The following ZNF471 variants were observed in gnomAD, a reference collection of about 807,000 sequenced individuals.
The protein encoded by ZNF471 is zinc finger protein 471, also known as EZFIT-related protein 1.
A neutral mutation model predicts 13.7 loss-of-function variants in ZNF471; 7 were observed. The ratio of observed to expected loss-of-function variants is 0.51; its 90% CI spans 0.29 to 0.96. The LOEUF is 0.96. Among genes scored for constraint, ZNF471 ranks in the 40% least tolerant of loss-of-function variants. ZNF471 has a pLI of 0.08. For synonymous variants in ZNF471, 218 were observed against 235.6 expected (o/e 0.93, Z 0.68); for missense variants, 663 against 743.3 (o/e 0.89, Z 1.26).
chr19:56,510,020 T>G lies in ZNF471; in HGVS notation c.-55-1497T>G. On this transcript the variant is annotated intron_variant, in intron 1 of 4. Transcript: ENST00000308031. This position sits in a 1 kb window ranked among gnomAD's most constrained non-coding sequence, Gnocchi z 4.3. ...GAGACTAGACTGAGAGTTCAGTGAT[T>G]GGGAGAGACTGGGGTATGTTGGTGT... 2.0e-6 allele frequency: 2 copies of G among 985,506 alleles called. No individual in the cohort carries two copies. The highest frequency in any genetic ancestry group is 1.2e-6 in the Non-Finnish European group (1 of 830,026). 61.0% of individuals were successfully genotyped at this position (985,506 alleles called of 1,614,324 possible). A position where few individuals can be genotyped will look rare whatever the true frequency, so the allele number is the denominator to read the frequency against.
In ZNF471 at chr19:56,526,496, C is replaced by G. The variant is rs956608949; in HGVS notation, c.*548C>G. The G allele has an allele frequency of 2.0e-5, 3 of 152,616 alleles. No homozygotes were observed. Among genetic ancestry groups the G allele is most frequent in the African/African-American group, 4.8e-5 (2 of 41,416 alleles). The allele number at this position is 152,616 out of a possible 1,614,324, so 9.5% of individuals were successfully genotyped here. ...AGTTTTTTTGATAGCCCAGTGGCAC[C>G]TGGAATGCCAGTGAAACAGAACCGC... On this transcript the variant is annotated 3_prime_UTR_variant, in exon 5 of 5. Coordinates refer to ENST00000308031, the MANE Select transcript of ZNF471 (RefSeq NM_020813.4).
chr19:56,512,908 T>G (rs2043830863), intron 2 of ZNF471, among the ~76,000 whole-genome samples: 1 of 152,182 alleles, frequency 6.6e-6, no homozygotes, highest in Non-Finnish European at 1.5e-5. Context: ...TGCTTTTTTT[T>G]CTTGTGCTGT....
chr19:56,525,909 A>G lies in ZNF471; in HGVS notation c.1842A>G (p.Leu614=). 1 of 1,577,742 alleles carries G rather than the reference A, an allele frequency of 6.3e-7. No homozygotes were observed. The highest frequency in any genetic ancestry group is 8.6e-7 in the Non-Finnish European group (1 of 1,166,138). Residue 614 remains leucine (L), a synonymous_variant, in exon 5 of 5, where the codon TTA becomes TTG. Transcript: ENST00000308031. ...CGKAFRRKLS[L]ICHQRSHTGE... ...AGGCGTTCAGAAGAAAGTTATCCTT[A>G]ATTTGTCATCAAAGAAGTCATACTG...
At chr19:56,511,642 CT>C in intron 2 of ZNF471, 38 bp downstream of exon 2, 1 of 1,539,338 alleles carries the variant, frequency 6.5e-7, no homozygotes, top group Non-Finnish European at 8.9e-7. Flanking sequence ...GAAAGGCAGT[CT>C]TGCTGTTTAG....
chr19:56,524,087 TG>T lies in ZNF471; in HGVS notation c.257-234del, dbSNP rs1288507333. Among the ~76,000 whole-genome samples, 1 of 152,170 alleles carries T rather than the reference TG, an allele frequency of 6.6e-6. No individual in the cohort carries two copies. The highest frequency in any genetic ancestry group is 1.5e-5 in the Non-Finnish European group (1 of 68,036). On this transcript the variant is annotated intron_variant, in intron 4 of 4. Coordinates refer to ENST00000308031, the MANE Select transcript of ZNF471 (RefSeq NM_020813.4). This position sits in a 1 kb window ranked among gnomAD's most constrained non-coding sequence, Gnocchi z 4.8. ...AATCCACCTCAGCCTCCTAAAGTGC[TG>T]GGATTATAGGCCTAAACCACTACAC...
chr19:56,523,842 G>A (rs10403034), intron 4 of ZNF471, among the ~76,000 whole-genome samples: 31,385 of 151,832 alleles, frequency 0.21, 3,224 homozygotes, highest in Middle Eastern at 0.25. Context: ...TTTTTGTTTT[G>A]AGACAGGGTC....
chr19:56,511,472 C>A, intron 1 of ZNF471, 45 bp from the exon 2 acceptor site: 1 of 1,431,118 alleles, frequency 7.0e-7, no homozygotes, highest in Non-Finnish European at 9.6e-7. Flanking sequence ...TCTGGGAGTG[C>A]AGCATCTCTG....
intron 4 of ZNF471, among the ~76,000 whole-genome samples, chr19:56,521,887 C>T (rs1010255258): frequency 1.1e-4 from 16 of 152,096 alleles, no homozygotes; most frequent in African/African-American, 3.6e-4. Flanking sequence ...TTTGAGGATG[C>T]AGTGAGCCAT....
chr19:56,514,103 AC>A (rs2043847956), intron 2 of ZNF471, among the ~76,000 whole-genome samples: 1 of 128,586 alleles, frequency 7.8e-6, no homozygotes, highest in African/African-American at 3.0e-5. Context: ...TCACTCTGTC[AC>A]CCAGGCTGGA....
chr19:56,525,199 A>C lies in ZNF471; in HGVS notation c.1132A>C (p.Ile378Leu), dbSNP rs2044028198. 1 of 1,614,148 alleles carries C rather than the reference A, an allele frequency of 6.2e-7. No individual in the cohort carries two copies. The highest frequency in any genetic ancestry group is 8.5e-7 in the Non-Finnish European group (1 of 1,180,024). The change falls in exon 5 of 5, where the codon ATT becomes CTT. Residue 378 changes from isoleucine (I) to leucine (L), a missense_variant. Transcript: ENST00000308031. ...YHTGEKPFNCIDCGKAFSVHI... is the reference protein window; with the variant it reads ...YHTGEKPFNCLDCGKAFSVHI... ...TACTGGAGAGAAGCCTTTTAATTGCATTGATTGTGGGAAAGCCTTCAGTGT... is the reference window on the plus strand; with the variant it reads ...TACTGGAGAGAAGCCTTTTAATTGCCTTGATTGTGGGAAAGCCTTCAGTGT...
chr19:56,527,079 A>G lies in ZNF471; in HGVS notation c.*1131A>G, dbSNP rs2044057339. 1 of 165,142 alleles carries G rather than the reference A, an allele frequency of 6.1e-6. No homozygotes were observed. Among genetic ancestry groups the G allele is most frequent in the Non-Finnish European group, 1.3e-5 (1 of 78,726 alleles). The allele number at this position is 165,142 out of a possible 1,614,324, so 10.2% of individuals were successfully genotyped here. A position where few individuals can be genotyped will look rare whatever the true frequency, so the allele number is the denominator to read the frequency against. ...GGGGTCCACAGACACCTCATACAGGAGAGCTCTGGCTGGCATCTGGTGGGT... is the reference window on the plus strand; with the variant it reads ...GGGGTCCACAGACACCTCATACAGGGGAGCTCTGGCTGGCATCTGGTGGGT... On this transcript the variant is annotated 3_prime_UTR_variant, in exon 5 of 5. Coordinates refer to ENST00000308031, the MANE Select transcript of ZNF471 (RefSeq NM_020813.4).
In ZNF471 at chr19:56,524,633, A is replaced by G. The variant is rs767391958; in HGVS notation, c.566A>G (p.Lys189Arg). 6.3e-7 allele frequency: 1 copy of G among 1,586,802 alleles called. No individual in the cohort carries two copies. The highest frequency in any genetic ancestry group is 1.9e-5 in the Admixed American group (1 of 51,658). Residue 189 changes from lysine (K) to arginine (R), a missense_variant, in exon 5 of 5, where the codon AAA (lysine) becomes AGA (arginine). Physicochemically the swap from Lys to Arg is conservative, Grantham distance 26. Transcript: ENST00000308031. The surrounding 1 kb of genome is among the most constrained non-coding windows in gnomAD (Gnocchi z 4.8). ...ACATCAGATAAAAAAAGCTTCTCCA[A>G]AAATTCTATGGTAATAAAACACAAG... The part of the protein sequence containing the change: ...NHTSDKKSFS[K>R]NSMVIKHKKV...
In ZNF471 at chr19:56,510,997, G is replaced by C. The variant is rs1483440831; in HGVS notation, c.-55-520G>C. On this transcript the variant is annotated intron_variant, in intron 1 of 4. Transcript: ENST00000308031. The surrounding 1 kb of genome is among the most constrained non-coding windows in gnomAD (Gnocchi z 4.3). ...GGGTGAGGAAAGTGAAACAGTGCCG[G>C]GGGGTGGGTCAGGGATGCAGTGGTG... 5 of 985,608 alleles carry C rather than the reference G, an allele frequency of 5.1e-6. No individual in the cohort carries two copies. The African/African-American group carries it at 8.7e-5, about 17-fold the overall frequency. The allele number at this position is 985,608 out of a possible 1,614,324, so 61.1% of individuals were successfully genotyped here.
At chr19:56,523,462 C>T (rs1032925932) in intron 4 of ZNF471, among the ~76,000 whole-genome samples, 6 of 151,104 alleles carry the variant, frequency 4.0e-5, no homozygotes, top group African/African-American at 9.7e-5. Flanking sequence ...GATTAAAGTT[C>T]AGGGAACTCT....
chr19:56,517,120 T>C (rs989691327), intron 3 of ZNF471, among the ~76,000 whole-genome samples: 7 of 151,554 alleles, frequency 4.6e-5, no homozygotes, highest in African/African-American at 1.7e-4. Flanking sequence ...TGTTCTGTTT[T>C]AATTTTAATT....
chr19:56,511,444 C>T, intron 1 of ZNF471, 73 bp from the exon 2 acceptor site: 1 of 1,164,142 alleles, frequency 8.6e-7, no homozygotes, highest in Non-Finnish European at 1.2e-6. Context: ...AAGAAGAAGA[C>T]AGTTTTAGGC....
rs57499065 is a variant in ZNF471 at position 56,517,298 on chromosome 19, ATTT to A, written c.160+917_160+919del. On this transcript the variant is annotated intron_variant, in intron 3 of 4. Coordinates refer to ENST00000308031, the MANE Select transcript of ZNF471 (RefSeq NM_020813.4). ...AGGCACCCACCACCACACCCAGCTA[ATTT>A]TTTTTTTTTTTTTTTTTTTGAAACG... is the stretch of plus-strand genomic sequence containing the variant. Among the ~76,000 whole-genome samples the A allele has an allele frequency of 1.4e-3, 144 of 100,380 alleles. No homozygotes were observed. In the South Asian group the frequency reaches 0.025, roughly 17 times the overall value. The allele number at this position is 100,380 out of a possible 152,430, so 65.9% of individuals were successfully genotyped here.
chr19:56,511,701 TC>T, intron 2 of ZNF471, 97 bp downstream of exon 2: 2 of 1,011,048 alleles, frequency 2.0e-6, no homozygotes, highest in Non-Finnish European at 3.1e-6. Context: ...TGATTAACAG[TC>T]CAGGAGCCTA....
rs544220548 is a variant in ZNF471 at position 56,528,128 on chromosome 19, A to T, written c.*2180A>T. ...ATAAGCAAAAAAGTCCTCACATTCA[A>T]TGGGTTGCATACCCATGAATTCTAA... On this transcript the variant is annotated 3_prime_UTR_variant, in exon 5 of 5. Coordinates refer to ENST00000308031, the MANE Select transcript of ZNF471 (RefSeq NM_020813.4). 2 of 152,314 alleles carry T rather than the reference A, an allele frequency of 1.3e-5. No individual in the cohort carries two copies. Among genetic ancestry groups the T allele is most frequent in the South Asian group, 4.1e-4 (2 of 4,826 alleles). 9.4% of individuals were successfully genotyped at this position (152,314 alleles called of 1,614,324 possible). A position where few individuals can be genotyped will look rare whatever the true frequency, so the allele number is the denominator to read the frequency against.
Sources: allele counts gnomAD v4.1 joint callset (sites outside exome capture counted in the v4.1 genomes callset), GRCh38; gene constraint gnomAD v4.1.1; non-coding constraint Gnocchi (gnomAD v3.1); transcripts MANE v1.5; gene names NCBI Gene and HGNC (gene_info 2026-07-23, HGNC 2026-07-21).